The following GRK5 variants were observed in gnomAD, a reference collection of about 807,000 sequenced individuals.
GRK5 encodes g protein-coupled receptor kinase GRK5.
A neutral mutation model predicts 78.4 loss-of-function variants in GRK5; 40 were observed. The observed-to-expected ratio is 0.51, with a 90% CI of 0.40 to 0.66. The LOEUF (loss-of-function observed/expected upper bound fraction) is 0.66, where lower values mean the gene tolerates loss of function less well. Among genes scored for constraint, GRK5 ranks in the 30% least tolerant of loss-of-function variants. The pLI, the probability that GRK5 is intolerant of heterozygous loss-of-function variation, is 0.00. For synonymous variants in GRK5, 289 were observed against 296.8 expected, an observed-to-expected ratio of 0.97 and a Z score of 0.27; for missense variants, 598 against 759.9, an observed-to-expected ratio of 0.79 and a Z score of 2.50.
At chr10:119,226,549 T>C (rs1275652174) in intron 1 of GRK5, among the ~76,000 whole-genome samples, 1 of 134,914 alleles carries the variant, frequency 7.4e-6, no homozygotes, top group Non-Finnish European at 1.5e-5. Context: ...CTCTGTATCT[T>C]TTTTTTTTTT....
intron 6 of GRK5, among the ~76,000 whole-genome samples, chr10:119,425,476 T>TTTA (rs1454578894): frequency 3.3e-5 from 5 of 152,220 alleles, no homozygotes; most frequent in Non-Finnish European, 4.4e-5. Flanking sequence ...GAGCCCTCCC[T>TTTA]AAATAATAAA....
intron 1 of GRK5, among the ~76,000 whole-genome samples, chr10:119,216,816 G>T (rs1848582343): frequency 6.6e-6 from 1 of 152,190 alleles, no homozygotes; most frequent in Admixed American, 6.5e-5. Flanking sequence ...CCTGGATGTG[G>T]TGGTGGGTGC....
At chr10:119,208,911 C>T (rs1564848500) in intron 1 of GRK5, among the ~76,000 whole-genome samples, 1 of 148,724 alleles carries the variant, frequency 6.7e-6, no homozygotes, top group African/African-American at 2.5e-5. Flanking sequence ...GCATATTTTC[C>T]TTTTTTTTTT....
intron 1 of GRK5, among the ~76,000 whole-genome samples, chr10:119,257,636 A>T (rs1849312428): frequency 6.6e-6 from 1 of 152,174 alleles, no homozygotes; most frequent in Non-Finnish European, 1.5e-5. Flanking sequence ...AGGCAGGAGA[A>T]TCATTTGAGC....
intron 1 of GRK5, among the ~76,000 whole-genome samples, chr10:119,265,064 G>A (rs1464152299): frequency 6.6e-6 from 1 of 152,202 alleles, no homozygotes; most frequent in Non-Finnish European, 1.5e-5. Context: ...ATCTTAACCT[G>A]TATTGCCAGG....
intron 2 of GRK5, among the ~76,000 whole-genome samples, chr10:119,342,819 C>G (rs1389582682): frequency 6.6e-6 from 1 of 152,158 alleles, no homozygotes. Context: ...TATGTAACCC[C>G]TTTGCCCTGA....
At chr10:119,292,169 C>T (rs1013875615) in intron 1 of GRK5, among the ~76,000 whole-genome samples, 25 of 128,064 alleles carry the variant, frequency 2.0e-4, no homozygotes, top group Admixed American at 6.0e-4. Flanking sequence ...TCTTCCTCCT[C>T]CTCCTCTTCC....
At chr10:119,324,304 G>C (rs1450328451) in intron 1 of GRK5, among the ~76,000 whole-genome samples, 1 of 152,214 alleles carries the variant, frequency 6.6e-6, no homozygotes, top group Non-Finnish European at 1.5e-5. Context: ...CCCATGCCTT[G>C]ATTTCCTCAT....
chr10:119,319,350 C>T (rs901670973), intron 1 of GRK5, among the ~76,000 whole-genome samples: 6 of 152,216 alleles, frequency 3.9e-5, no homozygotes, highest in Non-Finnish European at 7.3e-5. Context: ...TGCTGTTGTC[C>T]GCCTTTCTCC....
chr10:119,330,529 CAT>C (rs1038527362), intron 2 of GRK5, among the ~76,000 whole-genome samples: 1 of 152,182 alleles, frequency 6.6e-6, no homozygotes, highest in Non-Finnish European at 1.5e-5. Flanking sequence ...TAGGTTTCAA[CAT>C]GTGTGTTGCA....
At chr10:119,432,162 C>T (rs755698949) in intron 8 of GRK5, among the ~76,000 whole-genome samples, 1 of 152,198 alleles carries the variant, frequency 6.6e-6, no homozygotes, top group Non-Finnish European at 1.5e-5. Flanking sequence ...ACAGATGTTC[C>T]TCAGTTTCAC....
chr10:119,394,927 A>G (rs2133851903), intron 3 of GRK5, among the ~76,000 whole-genome samples: 1 of 147,542 alleles, frequency 6.8e-6, no homozygotes, highest in East Asian at 2.3e-4. Context: ...GTCAAGAAGA[A>G]AGAGCCACCT....
Position 119,452,569 on chromosome 10 carries a change from C to T in GRK5, c.1405-102C>T, listed in dbSNP as rs1853309438. 5.7e-6 allele frequency: 8 copies of T among 1,398,294 alleles called. No individual in the cohort carries two copies. The South Asian group carries it at 1.0e-4, about 18-fold the overall frequency. 86.6% of individuals were successfully genotyped at this position (1,398,294 alleles called of 1,614,324 possible). On this transcript the variant is annotated intron_variant, in intron 13 of 15. Transcript: ENST00000392870. This position sits in a 1 kb window ranked among gnomAD's most constrained non-coding sequence, Gnocchi z 4.4. ...CCCATAGCAGTTCTGGGGGTGTGTC[C>T]TGGGAAGACTCCCTTCTGCTCCCCA...
intron 1 of GRK5, among the ~76,000 whole-genome samples, chr10:119,249,910 G>A (rs746607289): frequency 2.0e-5 from 3 of 152,260 alleles, no homozygotes; most frequent in Non-Finnish European, 4.4e-5. Context: ...ATACCTGGCA[G>A]TGGGCTTAAA....
rs1329076385 is a variant in GRK5, at chr10:119,379,129, A to C, written c.149-1686A>C. Among the ~76,000 whole-genome samples, 1 of 152,214 alleles carries C rather than the reference A, an allele frequency of 6.6e-6. No homozygotes were observed. The highest frequency in any genetic ancestry group is 1.9e-4 in the East Asian group (1 of 5,200). ...GGGAGATGGAACAGACCAAATTATC[A>C]CATCCATAACGATGAGAAATGGGGT... On this transcript the variant is annotated intron_variant, in intron 2 of 15. Transcript: ENST00000392870. The surrounding 1 kb of genome is among the most constrained non-coding windows in gnomAD (Gnocchi z 4.1).
intron 4 of GRK5, among the ~76,000 whole-genome samples, chr10:119,421,117 A>T (rs1387280054): frequency 1.3e-5 from 2 of 152,138 alleles, no homozygotes; most frequent in Non-Finnish European, 2.9e-5. Context: ...CTGGCACAAC[A>T]CATTGTATCG....
chr10:119,242,570 T>C (rs1237857564), intron 1 of GRK5, among the ~76,000 whole-genome samples: 5 of 149,546 alleles, frequency 3.3e-5, no homozygotes, highest in Admixed American at 6.8e-5. Context: ...GGTGATATGG[T>C]TAGGGCTTTG....
intron 1 of GRK5, among the ~76,000 whole-genome samples, chr10:119,313,008 ACG>A (rs1850394829): frequency 2.2e-4 from 1 of 4,628 alleles, no homozygotes; most frequent in Non-Finnish European, 5.7e-4. Context: ...GGTGGTCGTG[ACG>A]GTGATGGTAG....
intron 1 of GRK5, among the ~76,000 whole-genome samples, chr10:119,282,754 G>C (rs1849782105): frequency 6.6e-6 from 1 of 152,254 alleles, no homozygotes; most frequent in Non-Finnish European, 1.5e-5. Flanking sequence ...TGTCAGGAGA[G>C]TCCAGGGTTG....
Sources: gnomAD v4.1 joint callset for allele counts (sites outside exome capture counted in the v4.1 genomes callset) on GRCh38, gnomAD v4.1.1 for gene constraint, Gnocchi (gnomAD v3.1) non-coding constraint, MANE v1.5 for transcripts, NCBI Gene and HGNC (gene_info 2026-07-23, HGNC 2026-07-21) for gene names.